SLC44A1: variants seen among roughly 807,000 people sequenced by gnomAD.
The protein encoded by SLC44A1 is solute carrier family 44 member 1, also known as choline transporter-like protein 1.
Under a neutral mutation model 79.3 loss-of-function variants are expected in SLC44A1, and 26 were observed. The ratio of observed to expected loss-of-function variants is 0.33; its 90% CI spans 0.24 to 0.46. The LOEUF (loss-of-function observed/expected upper bound fraction) is 0.46. SLC44A1 is among the 20% of genes least tolerant of loss of function. SLC44A1 has a pLI of 1.00. For missense variants in SLC44A1, 688 were observed against 798.1 expected (o/e 0.86, Z 1.66); for synonymous variants, 263 against 286.2 (o/e 0.92, Z 0.82).
intron 4 of SLC44A1, among the ~76,000 whole-genome samples, chr9:105,347,888 A>G (rs1348534916): frequency 6.6e-6 from 1 of 152,110 alleles, no homozygotes. Context: ...AAAAACAGGC[A>G]TAATGTGTAG....
intron 1 of SLC44A1, among the ~76,000 whole-genome samples, chr9:105,253,828 G>A (rs1163603785): frequency 6.6e-6 from 1 of 152,068 alleles, no homozygotes; most frequent in Non-Finnish European, 1.5e-5. Flanking sequence ...GGGTTTAAGC[G>A]ATTCTCCTGC....
intron 15 of SLC44A1, among the ~76,000 whole-genome samples, chr9:105,420,432 A>G (rs1206942782): frequency 6.6e-6 from 1 of 152,164 alleles, no homozygotes; most frequent in Non-Finnish European, 1.5e-5. Context: ...GGTGAGGTAA[A>G]AGGGAGAGTT....
chr9:105,307,285 T>C (rs1831057669), intron 2 of SLC44A1, among the ~76,000 whole-genome samples: 1 of 152,218 alleles, frequency 6.6e-6, no homozygotes, highest in Non-Finnish European at 1.5e-5. Context: ...AGTGAGGGTT[T>C]GAATCCAGGT....
chr9:105,280,354 C>T (rs928140799), intron 1 of SLC44A1, among the ~76,000 whole-genome samples: 1 of 152,174 alleles, frequency 6.6e-6, no homozygotes, highest in Non-Finnish European at 1.5e-5. Flanking sequence ...GATAACTTTA[C>T]TCACCTGTAA....
chr9:105,266,312 G>A (rs1039610802), intron 1 of SLC44A1, among the ~76,000 whole-genome samples: 11 of 152,004 alleles, frequency 7.2e-5, no homozygotes, highest in African/African-American at 2.2e-4. Context: ...AAGTGAGTTC[G>A]CTTCTCATCT....
Position 105,397,157 on chromosome 9 carries a change from A to G in SLC44A1, c.*8101A>G. On this transcript the variant is annotated 3_prime_UTR_variant, in exon 16 of 16. Transcript: ENST00000374720. ...TTCCATCTGGCTTCAGAGAACAATC[A>G]GCCTATATGAAACGGAGCTTTGAAA... 1 of 985,420 alleles carries G rather than the reference A, an allele frequency of 1.0e-6. No homozygotes were observed. Among genetic ancestry groups the G allele is most frequent in the Non-Finnish European group, 1.2e-6 (1 of 829,902 alleles). The allele number at this position is 985,420 out of a possible 1,614,324, so 61.0% of individuals were successfully genotyped here.
At position 105,389,531 on chromosome 9, in the gene SLC44A1, A is replaced by G. The variant is rs1828711115; in HGVS notation, c.*475A>G. The G allele has an allele frequency of 9.4e-7, 1 of 1,065,448 alleles. No homozygotes were observed. The highest frequency in any genetic ancestry group is 1.1e-6 in the Non-Finnish European group (1 of 882,136). 66.0% of individuals were successfully genotyped at this position (1,065,448 alleles called of 1,614,324 possible). A position where few individuals can be genotyped will look rare whatever the true frequency, so the allele number is the denominator to read the frequency against. ...GTCCTAGTGGGTCAAGACTAGGCAT[A>G]TGCTTTCAGATAAATAAGGAATTAC... is the stretch of plus-strand genomic sequence containing the variant. On this transcript the variant is annotated 3_prime_UTR_variant, in exon 16 of 16. Transcript: ENST00000374720.
intron 2 of SLC44A1, 101 bp from the exon 3 acceptor site, chr9:105,309,623 G>T: frequency 9.7e-7 from 1 of 1,030,280 alleles, no homozygotes; most frequent in South Asian, 1.5e-5. Flanking sequence ...ATAGCTCTTT[G>T]TTCCCTTCAG....
intron 1 of SLC44A1, among the ~76,000 whole-genome samples, chr9:105,279,730 A>T (rs546578041): frequency 1.3e-5 from 2 of 152,204 alleles, no homozygotes; most frequent in Non-Finnish European, 2.9e-5. Flanking sequence ...TAAACCTTCT[A>T]TCACCATTAA....
At chr9:105,301,811 C>G (rs2131293308) in intron 2 of SLC44A1, among the ~76,000 whole-genome samples, 1 of 152,302 alleles carries the variant, frequency 6.6e-6, no homozygotes, top group Middle Eastern at 3.4e-3. Flanking sequence ...GGAACTGGAA[C>G]TTTCTGGCTA....
chr9:105,404,513 A>C (rs1829003388), intron 15 of SLC44A1, among the ~76,000 whole-genome samples: 1 of 152,210 alleles, frequency 6.6e-6, no homozygotes, highest in African/African-American at 2.4e-5. Context: ...TAGGATTTGG[A>C]GTATTTGAAT....
chr9:105,318,158 T>C (rs1205653019), intron 3 of SLC44A1, among the ~76,000 whole-genome samples: 2 of 152,204 alleles, frequency 1.3e-5, no homozygotes, highest in Admixed American at 6.5e-5. Flanking sequence ...TGAAAACTTA[T>C]TGTATTATTT....
chr9:105,274,962 C>T (rs1186316385), intron 1 of SLC44A1, among the ~76,000 whole-genome samples: 1 of 152,108 alleles, frequency 6.6e-6, no homozygotes, highest in East Asian at 1.9e-4. Context: ...AAGTAAGCAC[C>T]TGTACTTTTA....
intron 3 of SLC44A1, among the ~76,000 whole-genome samples, chr9:105,326,673 G>T (rs532619410): frequency 6.6e-6 from 1 of 152,256 alleles, no homozygotes; most frequent in South Asian, 2.1e-4. Flanking sequence ...AATACATATG[G>T]ATTTGCACAT....
rs1332536386 is a variant in SLC44A1 at position 105,396,955 on chromosome 9, C to T, written c.*7899C>T. On this transcript the variant is annotated 3_prime_UTR_variant, in exon 16 of 16. Coordinates refer to ENST00000374720, the MANE Select transcript of SLC44A1 (RefSeq NM_080546.5). ...GGTGCTTGAACATGCCCCACAGACA[C>T]AGTTGTAGCCCTAGTATTTGTGACG... The T allele has an allele frequency of 3.0e-6, 3 of 985,156 alleles. No homozygotes were observed. Among genetic ancestry groups the T allele is most frequent in the East Asian group, 1.1e-4 (1 of 8,830 alleles). The allele number at this position is 985,156 out of a possible 1,614,324, so 61.0% of individuals were successfully genotyped here.
At chr9:105,324,526 T>C (rs1248821699) in intron 3 of SLC44A1, among the ~76,000 whole-genome samples, 1 of 152,188 alleles carries the variant, frequency 6.6e-6, no homozygotes, top group Non-Finnish European at 1.5e-5. Context: ...GTGCTGGGAT[T>C]GCAGGCATGA....
Position 105,390,989 on chromosome 9 carries a change from T to C in SLC44A1, c.*1933T>C, listed in dbSNP as rs1828750815. On this transcript the variant is annotated 3_prime_UTR_variant, in exon 16 of 16. Transcript: ENST00000374720. ...TTGTCCAAATAGATGAGAGAGCAAA[T>C]CATGTGAGAAAATTCAGAATACCAT... 1.0e-6 allele frequency: 1 copy of C among 984,526 alleles called. No individual in the cohort carries two copies. Among genetic ancestry groups the C allele is most frequent in the South Asian group, 4.7e-5 (1 of 21,260 alleles). The allele number at this position is 984,526 out of a possible 1,614,324, so 61.0% of individuals were successfully genotyped here.
chr9:105,344,651 C>T (rs1827194374), intron 4 of SLC44A1, among the ~76,000 whole-genome samples: 1 of 152,140 alleles, frequency 6.6e-6, no homozygotes, highest in Non-Finnish European at 1.5e-5. Context: ...TTTTTCTCCA[C>T]TCAGGATATC....
intron 15 of SLC44A1, among the ~76,000 whole-genome samples, chr9:105,436,127 G>T (rs984862675): frequency 6.6e-6 from 1 of 152,218 alleles, no homozygotes; most frequent in Non-Finnish European, 1.5e-5. Flanking sequence ...GAACCCAGGC[G>T]GCAGAGGCTG....
Sources: allele counts gnomAD v4.1 joint callset (sites outside exome capture counted in the v4.1 genomes callset), GRCh38; gene constraint gnomAD v4.1.1; transcripts MANE v1.5; gene names NCBI Gene and HGNC (gene_info 2026-07-23, HGNC 2026-07-21).